The following MRPS15 variants were observed in gnomAD, a reference collection of about 807,000 sequenced individuals.
MRPS15 encodes small ribosomal subunit protein uS15m.
In MRPS15, 25 loss-of-function variants were observed where a neutral mutation model predicts 30.7. The observed-to-expected ratio is 0.81, with a 90% CI of 0.59 to 1.14. The LOEUF (loss-of-function observed/expected upper bound fraction) is 1.14. Among genes scored for constraint, MRPS15 ranks in the 50% most tolerant of loss-of-function variants. The probability of loss-of-function intolerance (pLI) is 0.00; values close to 1 mark genes in which losing one functional copy is unlikely to be tolerated. For synonymous variants in MRPS15, 124 were observed against 120.1 expected (o/e 1.03, Z -0.21); for missense variants, 313 against 321.7 (o/e 0.97, Z 0.21).
At position 36,463,813 on chromosome 1, in the gene MRPS15, C is replaced by T; in HGVS notation, c.168G>A (p.Arg56=). 1 of 1,612,826 alleles carries T rather than the reference C, an allele frequency of 6.2e-7. No individual in the cohort carries two copies. Among genetic ancestry groups the T allele is most frequent in the Non-Finnish European group, 8.5e-7 (1 of 1,179,238 alleles). Residue 56 remains arginine (R), a synonymous_variant, in exon 2 of 8, where the codon CGG becomes CGA. Coordinates refer to ENST00000373116, the MANE Select transcript of MRPS15 (RefSeq NM_031280.4). ...LLQAARGYVV[R]KPAQSRLDDD... ...CACCTTAGGAACTCCTACCTGGTTT[C>T]CGGACGACATATCCGCGCGCGGCCT...
chr1:36,455,895 G>T lies in MRPS15; in HGVS notation c.667C>A (p.Arg223=). The stretch of plus-strand genomic sequence containing the variant: ...GCTGCAGCCTTTAAGGCTCTTCTTC[G>T]CTTCTTCAGCTTTTGAGTCTCCTGG... ...VFQETQKLKK[R]RRALKAAAAA... The change falls in exon 8 of 8, where the codon CGA becomes AGA. Residue 223 remains arginine, a synonymous_variant. Coordinates refer to ENST00000373116, the MANE Select transcript of MRPS15 (RefSeq NM_031280.4). 6.2e-7 allele frequency: 1 copy of T among 1,613,644 alleles called. No homozygotes were observed. The highest frequency in any genetic ancestry group is 2.2e-5 in the East Asian group (1 of 44,874).
intron 5 of MRPS15, 93 bp downstream of exon 5, chr1:36,460,599 C>T: frequency 3.2e-6 from 3 of 950,430 alleles, no homozygotes; most frequent in Non-Finnish European, 5.1e-6. Flanking sequence ...CTTTCCCCAG[C>T]CCATGTGCAT....
At chr1:36,464,050 C>A in intron 1 of MRPS15, 96 bp downstream of exon 1, 1 of 1,291,882 alleles carries the variant, frequency 7.7e-7, no homozygotes, top group Non-Finnish European at 1.0e-6. Context: ...CTTATCCTGA[C>A]CGCTGTATAT....
At position 36,456,998 on chromosome 1, in the gene MRPS15, T is replaced by C. The variant is rs1018373089; in HGVS notation, c.445-620A>G. ...ATGGTATAATGGTTAAGAATATGGC[T>C]GGCCATGGTGGCTCACACCTGTAAT... On this transcript the variant is annotated intron_variant, in intron 6 of 7. Coordinates refer to ENST00000373116, the MANE Select transcript of MRPS15 (RefSeq NM_031280.4). Among the ~76,000 whole-genome samples, 6 of 152,248 alleles carry C rather than the reference T, an allele frequency of 3.9e-5. No homozygotes were observed. In the East Asian group the frequency reaches 1.2e-3, roughly 29 times the overall value.
intron 1 of MRPS15, 42 bp downstream of exon 1, chr1:36,464,104 C>G: frequency 6.2e-7 from 1 of 1,603,952 alleles, no homozygotes; most frequent in Non-Finnish European, 8.5e-7. Context: ...TTCGCCGAAC[C>G]CTGTTTCCCT....
rs778032466 is a variant in MRPS15 at position 36,456,414 on chromosome 1, AG to A, written c.445-37del. 3 of 1,524,282 alleles carry A rather than the reference AG, an allele frequency of 2.0e-6. No individual in the cohort carries two copies. In the African/African-American group the frequency reaches 4.2e-5, roughly 21 times the overall value. The allele number at this position is 1,524,282 out of a possible 1,614,324, so 94.4% of individuals were successfully genotyped here. A position where few individuals can be genotyped will look rare whatever the true frequency, so the allele number is the denominator to read the frequency against. On this transcript the variant is annotated intron_variant, in intron 6 of 7. Coordinates refer to ENST00000373116, the MANE Select transcript of MRPS15 (RefSeq NM_031280.4). Reference sequence around the variant, plus strand: ...TTCTCATTACTTTTAGTATTATATAAGTGTTACTGTTGTTCACAGTAACAAA... The same window carrying A: ...TTCTCATTACTTTTAGTATTATATAATGTTACTGTTGTTCACAGTAACAAA...
At chr1:36,459,449 C>A (rs1286977637) in intron 5 of MRPS15, 1 of 151,836 alleles carries the variant, frequency 6.6e-6, no homozygotes, top group Non-Finnish European at 1.5e-5. Flanking sequence ...TAAAGACGAC[C>A]CCAGTAACCA....
At position 36,455,732 on chromosome 1, in the gene MRPS15, A is replaced by T. The variant is rs1249847375; in HGVS notation, c.*56T>A. 1 of 1,583,894 alleles carries T rather than the reference A, an allele frequency of 6.3e-7. No homozygotes were observed. The highest frequency in any genetic ancestry group is 8.6e-7 in the Non-Finnish European group (1 of 1,166,652). On this transcript the variant is annotated 3_prime_UTR_variant, in exon 8 of 8. Transcript: ENST00000373116. Reference sequence around the variant, plus strand: ...TCCTTCTCCTCTTCAGGCCAAAAAGAGCCCCATCATCTCTCCTATCATTCT... The same window carrying T: ...TCCTTCTCCTCTTCAGGCCAAAAAGTGCCCCATCATCTCTCCTATCATTCT...
At chr1:36,462,912 T>A (rs748797086) in intron 2 of MRPS15, among the ~76,000 whole-genome samples, 3 of 152,166 alleles carry the variant, frequency 2.0e-5, no homozygotes, top group Non-Finnish European at 4.4e-5. Flanking sequence ...CCTCAAGTGA[T>A]CCTCCAGCCT....
intron 5 of MRPS15, among the ~76,000 whole-genome samples, chr1:36,460,297 C>T (rs1277167417): frequency 2.6e-5 from 4 of 152,194 alleles, no homozygotes; most frequent in African/African-American, 4.8e-5. Context: ...TGAGCCACCG[C>T]GCCTGGCCTA....
intron 1 of MRPS15, 73 bp downstream of exon 1, chr1:36,464,073 T>TGTGCTTCCTTCTCCCCTACTCCG: frequency 6.3e-7 from 1 of 1,579,528 alleles, no homozygotes; most frequent in Admixed American, 1.8e-5. Context: ...CCCCTACTCC[T>TGTGCTTCCTTCTCCCCTACTCCG]GTGCTTCCTT....
intron 2 of MRPS15, among the ~76,000 whole-genome samples, chr1:36,462,693 G>A (rs902842675): frequency 6.6e-6 from 1 of 152,230 alleles, no homozygotes; most frequent in African/African-American, 2.4e-5. Flanking sequence ...AAGAGGCATA[G>A]AGTAGATGGA....
chr1:36,464,223 G>C lies in MRPS15; in HGVS notation c.53C>G (p.Thr18Ser). The C allele has an allele frequency of 6.2e-7, 1 of 1,614,074 alleles. No homozygotes were observed. The highest frequency in any genetic ancestry group is 8.5e-7 in the Non-Finnish European group (1 of 1,179,982). ...CGGCAGCCCGGGTACTAGGACCTGG[G>C]TAACTGCCCGGGTCCGAATCAAACT... ...TLSLIRTRAV[T>S]QVLVPGLPGG... The change falls in exon 1 of 8, where the codon ACC becomes AGC. Residue 18 changes from threonine (T) to serine (S), a missense_variant. Thr to Ser is a moderately conservative substitution (Grantham distance 58). Coordinates refer to ENST00000373116, the MANE Select transcript of MRPS15 (RefSeq NM_031280.4).
At chr1:36,460,034 G>A (rs1174939252) in intron 5 of MRPS15, among the ~76,000 whole-genome samples, 2 of 152,134 alleles carry the variant, frequency 1.3e-5, no homozygotes, top group African/African-American at 2.4e-5. Flanking sequence ...TTTTCGAGAC[G>A]GAGTCTCGCT....
Position 36,460,881 on chromosome 1 carries a change from T to C in MRPS15, c.301-105A>G. The C allele has an allele frequency of 3.2e-6, 3 of 923,412 alleles. No homozygotes were observed. The South Asian group carries it at 4.3e-5, about 13-fold the overall frequency. The allele number at this position is 923,412 out of a possible 1,614,324, so 57.2% of individuals were successfully genotyped here. On this transcript the variant is annotated intron_variant, in intron 4 of 7. Transcript: ENST00000373116. ...GCTACAGTTATAGCAACTAGGGCCA[T>C]AAGGCTCAGGGCCTGACTTCACTCT...
Position 36,456,268 on chromosome 1 carries a change from CA to C in MRPS15, c.554del (p.Leu185ArgfsTer20). The C allele has an allele frequency of 6.2e-7, 1 of 1,614,192 alleles. No homozygotes were observed. The highest frequency in any genetic ancestry group is 8.5e-7 in the Non-Finnish European group (1 of 1,180,040). On this transcript the variant is annotated frameshift_variant, in exon 7 of 8. Coordinates refer to ENST00000373116, the MANE Select transcript of MRPS15 (RefSeq NM_031280.4). LOFTEE classifies it high-confidence loss of function. ...YDVFEKICWGLGIEYTFPPLY... is the reference protein window; with the variant it reads ...YDVFEKICWGXGIEYTFPPLY... ...GAGGGGGGAAGGTGTACTCAATTCC[CA>C]GCCCCCAGCATATCTTCTCAAAGAC...
intron 3 of MRPS15, among the ~76,000 whole-genome samples, chr1:36,461,537 T>G (rs1460051325): frequency 6.6e-6 from 1 of 152,154 alleles, no homozygotes; most frequent in Non-Finnish European, 1.5e-5. Context: ...ACTGTTCCGG[T>G]CTCATCACAG....
In MRPS15 at chr1:36,461,285, CA is replaced by C. The variant is rs1557581259; in HGVS notation, c.278del (p.Leu93CysfsTer12). 1 of 1,614,200 alleles carries C rather than the reference CA, an allele frequency of 6.2e-7. No individual in the cohort carries two copies. Among genetic ancestry groups the C allele is most frequent in the South Asian group, 1.1e-5 (1 of 91,080 alleles). On this transcript the variant is annotated frameshift_variant, in exon 4 of 8. Coordinates refer to ENST00000373116, the MANE Select transcript of MRPS15 (RefSeq NM_031280.4). LOFTEE classifies it high-confidence loss of function. ...TCACCTTGTTGGCCATTTCCAAAGA[CA>C]AGAGTCTTTTCACGACATCATCAAC... ...EKVDDVVKRL[L>X]SLEMANKKEM...
intron 6 of MRPS15, among the ~76,000 whole-genome samples, chr1:36,457,535 C>T (rs1387019578): frequency 6.6e-6 from 1 of 152,162 alleles, no homozygotes; most frequent in Non-Finnish European, 1.5e-5. Flanking sequence ...TCCTTGCAAT[C>T]CTGTGAGCAA....
Sources: allele counts gnomAD v4.1 joint callset (sites outside exome capture counted in the v4.1 genomes callset), GRCh38; gene constraint gnomAD v4.1.1; transcripts MANE v1.5; gene names NCBI Gene and HGNC (gene_info 2026-07-23, HGNC 2026-07-21).